DRP2: variants seen among roughly 807,000 people sequenced by gnomAD.
DRP2 encodes dystrophin-related protein 2.
DRP2 carries 29 observed loss-of-function variants against 78.2 expected under a neutral mutation model. The observed-to-expected ratio is 0.37, with a 90% CI of 0.28 to 0.51. The LOEUF is 0.51. Ranked by LOEUF, DRP2 falls within the 20% of genes least tolerant of loss-of-function variation. The probability of loss-of-function intolerance (pLI) is 0.94; values close to 1 mark genes in which losing one functional copy is unlikely to be tolerated. For synonymous variants in DRP2, 290 were observed against 281.9 expected (o/e 1.03, Z -0.29); for missense variants, 686 against 770.6 (o/e 0.89, Z 1.30).
chrX:101,244,205 C>T (rs1022050235), intron 9 of DRP2, among the ~76,000 whole-genome samples: 4 of 110,827 alleles, frequency 3.6e-5, no homozygotes, highest in Non-Finnish European at 7.6e-5. Flanking sequence ...ACAGGGAGGC[C>T]TATTTGGAGG....
chrX:101,252,729 C>T lies in DRP2; in HGVS notation c.1977+13C>T. 1 of 1,185,674 alleles carries T rather than the reference C, an allele frequency of 8.4e-7. No individual in the cohort carries two copies. Among genetic ancestry groups the T allele is most frequent in the Non-Finnish European group, 1.1e-6 (1 of 873,203 alleles). On this transcript the variant is annotated intron_variant, in intron 17 of 23. Coordinates refer to ENST00000395209, the MANE Select transcript of DRP2 (RefSeq NM_001939.3). ...GTATTACACACCGGTATGAAGCCTC[C>T]AGGCTGGGTGGGAGGGTTAGGCAGC...
In DRP2 at chrX:101,247,168, C is replaced by G; in HGVS notation, c.1252+4C>G. The G allele has an allele frequency of 3.3e-6, 4 of 1,202,686 alleles. No homozygotes were observed. The highest frequency in any genetic ancestry group is 4.5e-6 in the Non-Finnish European group (4 of 889,402). On this transcript the variant is annotated splice_donor_region_variant and intron_variant, in intron 12 of 23. Transcript: ENST00000395209. ...AGAGTCCAGAAAGCCCTGCGCTGTA[C>G]GTCTCCTGTTGTACTTCCCTATGAC... is the stretch of plus-strand genomic sequence containing the variant.
intron 1 of DRP2, 91 bp downstream of exon 1, chrX:101,220,237 T>C (rs1385893393): frequency 9.8e-6 from 1 of 102,467 alleles, no homozygotes; most frequent in Non-Finnish European, 2.0e-5. Context: ...AGAGGTACTG[T>C]GTGGCGGGCG....
At chrX:101,225,394 G>C in intron 2 of DRP2, among the ~76,000 whole-genome samples, 1 of 111,314 alleles carries the variant, frequency 9.0e-6, no homozygotes, top group Non-Finnish European at 1.9e-5. Flanking sequence ...TAAATAACTT[G>C]TATTCTGAGA....
Position 101,230,158 on chromosome X carries a change from A to G in DRP2, c.-63-1427A>G, listed in dbSNP as rs527822589. 2.9e-4 allele frequency among the ~76,000 whole-genome samples: 33 copies of G among 112,152 alleles called. No homozygotes were observed. The South Asian group carries it at 0.011, about 39-fold the overall frequency. On this transcript the variant is annotated intron_variant, in intron 2 of 23. Transcript: ENST00000395209. ...TCATCCTCACGGCAACTGCCTGCCTATTCTAACAGCTTCTCAACAGGTTCT... is the reference window on the plus strand; with the variant it reads ...TCATCCTCACGGCAACTGCCTGCCTGTTCTAACAGCTTCTCAACAGGTTCT...
At chrX:101,249,138 AGTT>A (rs1314187340) in intron 14 of DRP2, among the ~76,000 whole-genome samples, 1 of 112,106 alleles carries the variant, frequency 8.9e-6, no homozygotes, top group Non-Finnish European at 1.9e-5. Flanking sequence ...CAGCATGATT[AGTT>A]GTTGAGTCCT....
intron 2 of DRP2, among the ~76,000 whole-genome samples, chrX:101,227,766 A>G (rs189063995): frequency 4.5e-5 from 5 of 112,007 alleles, no homozygotes; most frequent in African/African-American, 1.6e-4. Context: ...ACCAGAAGAA[A>G]TCTATTCCTT....
chrX:101,237,286 T>C (rs1922541170), intron 4 of DRP2, among the ~76,000 whole-genome samples: 1 of 112,010 alleles, frequency 8.9e-6, no homozygotes, highest in African/African-American at 3.2e-5. Flanking sequence ...AATGCCCTTG[T>C]TCAGTTTCCT....
chrX:101,224,182 G>GTTTTTTTTGTT (rs1569507479), intron 1 of DRP2, among the ~76,000 whole-genome samples: 38 of 44,222 alleles, frequency 8.6e-4, no homozygotes, highest in Non-Finnish European at 1.4e-3. Flanking sequence ...TGTTTGCTGG[G>GTTTTTTTTGTT]TTTTTTTTGT....
At chrX:101,242,299 G>C in intron 7 of DRP2, 26 bp from the exon 8 acceptor site, 2 of 1,206,136 alleles carry the variant, frequency 1.7e-6, no homozygotes, top group Non-Finnish European at 2.2e-6. Context: ...TCTGTCTGCT[G>C]TGGCACTTGG....
At chrX:101,241,355 T>G in intron 6 of DRP2, among the ~76,000 whole-genome samples, 1 of 111,948 alleles carries the variant, frequency 8.9e-6, no homozygotes, top group East Asian at 2.8e-4. Context: ...GATATTATAC[T>G]GTAGTTTTGC....
intron 20 of DRP2, 35 bp from the exon 21 acceptor site, chrX:101,256,083 T>C (rs764212804): frequency 1.8e-6 from 2 of 1,130,285 alleles, no homozygotes; most frequent in South Asian, 2.3e-5. Context: ...GTTCAACAAC[T>C]GGTCACCTAC....
chrX:101,264,369 G>A lies in DRP2; in HGVS notation c.*3748G>A, dbSNP rs948669884. 4 of 111,935 alleles carry A rather than the reference G, an allele frequency of 3.6e-5. No individual in the cohort carries two copies. The highest frequency in any genetic ancestry group is 5.6e-5 in the Non-Finnish European group (3 of 53,244). 9.2% of individuals were successfully genotyped at this position (111,935 alleles called of 1,213,427 possible). A position where few individuals can be genotyped will look rare whatever the true frequency, so the allele number is the denominator to read the frequency against. The stretch of plus-strand genomic sequence containing the variant: ...GGATTTGGGGGAGGTGACAAGGGTG[G>A]CATGGAAGTCTAGGGGACAAAGGGA... On this transcript the variant is annotated 3_prime_UTR_variant, in exon 24 of 24. Coordinates refer to ENST00000395209, the MANE Select transcript of DRP2 (RefSeq NM_001939.3).
chrX:101,226,352 T>C (rs1922119951), intron 2 of DRP2, among the ~76,000 whole-genome samples: 1 of 112,159 alleles, frequency 8.9e-6, no homozygotes, highest in Non-Finnish European at 1.9e-5. Context: ...CATTGTACAT[T>C]ATTCCACACA....
chrX:101,231,838 C>T (rs771756182), intron 3 of DRP2, 74 bp downstream of exon 3: 34 of 932,350 alleles, frequency 3.6e-5, no homozygotes, highest in African/African-American at 2.5e-4. Flanking sequence ...GGGGTACCCA[C>T]GCTTCCTAAG....
At chrX:101,225,849 TGAG>T (rs1457570332) in intron 2 of DRP2, among the ~76,000 whole-genome samples, 1 of 112,163 alleles carries the variant, frequency 8.9e-6, no homozygotes, top group African/African-American at 3.2e-5. Flanking sequence ...TTTCTCAACC[TGAG>T]AAGTGATTAT....
In DRP2 at chrX:101,230,758, A is replaced by AT. The variant is rs771530761; in HGVS notation, c.-63-819dup. Among the ~76,000 whole-genome samples the AT allele has an allele frequency of 1.8e-3, 194 of 109,938 alleles. 1 individual carries two copies. Among genetic ancestry groups the AT allele is most frequent in the African/African-American group, 6.2e-3 (186 of 30,118 alleles). On this transcript the variant is annotated intron_variant, in intron 2 of 23. Transcript: ENST00000395209. ...CCATATATTTAATTTTCATGTTTGT[A>AT]TTTTTTTTAACCTTCACTGCCTAAT... is the stretch of plus-strand genomic sequence containing the variant.
chrX:101,258,541 C>A lies in DRP2; in HGVS notation c.2623C>A (p.Leu875Met). 8.5e-7 allele frequency: 1 copy of A among 1,176,681 alleles called. No homozygotes were observed. The highest frequency in any genetic ancestry group is 2.5e-5 in the Admixed American group (1 of 40,509). Residue 875 changes from leucine (L) to methionine (M), a missense_variant, in exon 22 of 24, where the codon CTG becomes ATG. This residue lies in a region of DRP2 where 423 missense variants were observed against 531.5 expected (regional missense o/e 0.80). Coordinates refer to ENST00000395209, the MANE Select transcript of DRP2 (RefSeq NM_001939.3). ...SQLQRLRELL[L>M]QPPTESDGSG... ...GCTGCAGCGTCTGAGGGAGCTTCTC[C>A]TGCAGGTGAGGATGGAGACAGGAAA... is the stretch of plus-strand genomic sequence containing the variant.
intron 9 of DRP2, among the ~76,000 whole-genome samples, chrX:101,244,784 T>G (rs746428059): frequency 8.9e-6 from 1 of 112,598 alleles, no homozygotes; most frequent in African/African-American, 3.2e-5. Flanking sequence ...CTCTGGTATG[T>G]TAGGATATCG....
Sources: allele counts gnomAD v4.1 joint callset (sites outside exome capture counted in the v4.1 genomes callset), GRCh38; gene constraint gnomAD v4.1.1; regional missense constraint gnomAD v4.1.1; transcripts MANE v1.5; gene names NCBI Gene and HGNC (gene_info 2026-07-23, HGNC 2026-07-21).